The following KLF12 variants were observed in gnomAD, a reference collection of about 807,000 sequenced individuals.
The protein encoded by KLF12 is KLF transcription factor 12.
KLF12 carries 9 observed loss-of-function variants against 37.8 expected under a neutral mutation model. That is an observed-to-expected ratio of 0.24 (90% CI 0.14 to 0.42). KLF12 has a LOEUF of 0.42. KLF12 is among the 10% of genes least tolerant of loss of function. The probability of loss-of-function intolerance (pLI) is 1.00; values close to 1 mark genes in which losing one functional copy is unlikely to be tolerated. For synonymous variants in KLF12, 208 were observed against 202.1 expected, an observed-to-expected ratio of 1.03 and a Z score of -0.25; for missense variants, 411 against 516.0, an observed-to-expected ratio of 0.80 and a Z score of 1.97.
At chr13:74,179,091 T>C in the KLF12 span, among the ~76,000 whole-genome samples, 2 of 152,254 alleles carry the variant, frequency 1.3e-5, no homozygotes, top group Admixed American at 6.5e-5. Flanking sequence ...CCTTCCTTTG[T>C]GCATGGTCCA....
At chr13:74,215,302 T>A in the KLF12 span, among the ~76,000 whole-genome samples, 1 of 152,166 alleles carries the variant, frequency 6.6e-6, no homozygotes, top group African/African-American at 2.4e-5. Context: ...AACTTTTTAA[T>A]TTTAGCAATG....
chr13:74,157,940 C>T, the KLF12 span, among the ~76,000 whole-genome samples: 1 of 152,218 alleles, frequency 6.6e-6, no homozygotes, highest in African/African-American at 2.4e-5. Context: ...TATCTCTCCT[C>T]CTCAGTCTTG....
the KLF12 span, among the ~76,000 whole-genome samples, chr13:74,243,659 A>G: frequency 6.6e-6 from 1 of 152,172 alleles, no homozygotes. Context: ...AACTGGCATG[A>G]GATGGTATCT....
At chr13:73,761,804 C>T (rs1251892836) in intron 6 of KLF12, among the ~76,000 whole-genome samples, 2 of 152,048 alleles carry the variant, frequency 1.3e-5, no homozygotes, top group African/African-American at 4.8e-5. Context: ...TTTTTACTTC[C>T]CTACCACAGT....
intron 3 of KLF12, among the ~76,000 whole-genome samples, chr13:73,917,002 T>C (rs545605489): frequency 1.3e-5 from 2 of 152,342 alleles, no homozygotes; most frequent in African/African-American, 4.8e-5. Context: ...TAATATTCCG[T>C]AGGCCACTCT....
In KLF12 at chr13:74,003,350, C is replaced by T. The variant is rs138983296; in HGVS notation, c.-31-8297G>A. Among the ~76,000 whole-genome samples the T allele has an allele frequency of 3.5e-4, 53 of 152,176 alleles. No homozygotes were observed. In the East Asian group the frequency reaches 7.3e-3, roughly 21 times the overall value. ...AATCATACATGTATGTGAAAATATGCATAACTTACAAAGAATATATGTAGA... is the reference window on the plus strand; with the variant it reads ...AATCATACATGTATGTGAAAATATGTATAACTTACAAAGAATATATGTAGA... On this transcript the variant is annotated intron_variant, in intron 1 of 7. Transcript: ENST00000377669.
At chr13:74,214,664 A>G in the KLF12 span, among the ~76,000 whole-genome samples, 1 of 151,550 alleles carries the variant, frequency 6.6e-6, no homozygotes, top group Non-Finnish European at 1.5e-5. Flanking sequence ...CTAAAAATCT[A>G]TTTCTCTCTG....
intron 3 of KLF12, among the ~76,000 whole-genome samples, chr13:73,885,376 C>T (rs1003667591): frequency 2.6e-5 from 4 of 152,310 alleles, no homozygotes; most frequent in South Asian, 4.1e-4. Context: ...ATTAAACTTC[C>T]AAATACACCC....
chr13:74,020,886 G>A (rs1272746356), intron 1 of KLF12, among the ~76,000 whole-genome samples: 1 of 137,380 alleles, frequency 7.3e-6, no homozygotes, highest in African/African-American at 2.8e-5. Flanking sequence ...GCCACACTCC[G>A]TCTCAAAAAA....
At chr13:74,158,572 G>A in the KLF12 span, among the ~76,000 whole-genome samples, 1 of 152,154 alleles carries the variant, frequency 6.6e-6, no homozygotes, top group Non-Finnish European at 1.5e-5. Flanking sequence ...AAACAAGTGA[G>A]TCCCAGAGAG....
chr13:74,081,108 C>A (rs1209462072), intron 1 of KLF12, among the ~76,000 whole-genome samples: 1 of 152,148 alleles, frequency 6.6e-6, no homozygotes, highest in Non-Finnish European at 1.5e-5. Flanking sequence ...GAAAACTAGT[C>A]AACCAATTAA....
chr13:74,228,643 A>C, the KLF12 span, among the ~76,000 whole-genome samples: 61 of 152,220 alleles, frequency 4.0e-4, 1 homozygote, highest in East Asian at 9.9e-3. Context: ...TGTGATATCT[A>C]TATTGTCTGA....
rs1390210776 is a variant in KLF12, at chr13:73,814,790, G to T, written c.671-1503C>A. On this transcript the variant is annotated intron_variant, in intron 4 of 7. Coordinates refer to ENST00000377669, the MANE Select transcript of KLF12 (RefSeq NM_007249.5). ...ATAGGGAGGGTGCTACTGGCATCTA[G>T]TGGGCAGACGCTAAGGATATTGTAG... Among the ~76,000 whole-genome samples, 4 of 152,152 alleles carry T rather than the reference G, an allele frequency of 2.6e-5. No homozygotes were observed. The East Asian group carries it at 7.7e-4, about 29-fold the overall frequency.
intron 6 of KLF12, among the ~76,000 whole-genome samples, chr13:73,741,312 C>G (rs1466905422): frequency 2.6e-5 from 4 of 152,142 alleles, no homozygotes; most frequent in Non-Finnish European, 5.9e-5. Context: ...ACAAGGGAGC[C>G]TGCCAGGGTT....
At chr13:73,970,482 G>C (rs1367885322) in intron 2 of KLF12, among the ~76,000 whole-genome samples, 1 of 152,018 alleles carries the variant, frequency 6.6e-6, no homozygotes, top group Non-Finnish European at 1.5e-5. Flanking sequence ...CTGACTTCCT[G>C]GGATCAGTGT....
chr13:73,809,475 A>G (rs1882816206), intron 5 of KLF12, among the ~76,000 whole-genome samples: 1 of 101,596 alleles, frequency 9.8e-6, no homozygotes, highest in Non-Finnish European at 2.1e-5. Context: ...AATTGTGCAC[A>G]CTGAAAGTTA....
intron 2 of KLF12, among the ~76,000 whole-genome samples, chr13:73,966,326 CTGATGTTTCTCTAA>C (rs530560277): frequency 6.5e-4 from 99 of 152,086 alleles, no homozygotes; most frequent in East Asian, 5.4e-3. Context: ...TCTCTGTTTT[CTGATGTTTCTCTAA>C]TGAGTCTATA....
intron 5 of KLF12, among the ~76,000 whole-genome samples, chr13:73,811,972 G>C (rs2138426885): frequency 6.6e-6 from 1 of 152,136 alleles, no homozygotes; most frequent in Admixed American, 6.6e-5. Flanking sequence ...AAACAAAGTA[G>C]GTATTTAATC....
At chr13:73,812,271 G>T (rs1420110534) in intron 5 of KLF12, among the ~76,000 whole-genome samples, 1 of 151,972 alleles carries the variant, frequency 6.6e-6, no homozygotes, top group East Asian at 1.9e-4. Flanking sequence ...GTACAAATTT[G>T]CAGATAGAAG....
Sources: allele counts gnomAD v4.1 joint callset (sites outside exome capture counted in the v4.1 genomes callset), GRCh38; gene constraint gnomAD v4.1.1; transcripts MANE v1.5; gene names NCBI Gene and HGNC (gene_info 2026-07-23, HGNC 2026-07-21).